INSYN2B: variants seen among roughly 807,000 people sequenced by gnomAD.
The protein encoded by INSYN2B is inhibitory synaptic factor family member 2B, also known as protein INSYN2B.
A neutral mutation model predicts 41.2 loss-of-function variants in INSYN2B; 16 were observed. That is an observed-to-expected ratio of 0.39 (90% CI 0.26 to 0.59). The LOEUF (loss-of-function observed/expected upper bound fraction) is 0.59. INSYN2B is among the 20% of genes least tolerant of loss of function. The pLI is 0.57. For synonymous variants in INSYN2B, 245 were observed against 244.4 expected (o/e 1.00, Z -0.02); for missense variants, 608 against 646.4 (o/e 0.94, Z 0.64).
chr5:169,881,792 G>T (rs1561791690), intron 2 of INSYN2B, among the ~76,000 whole-genome samples: 1 of 152,196 alleles, frequency 6.6e-6, no homozygotes, highest in East Asian at 1.9e-4. Context: ...CTCCTATACG[G>T]CAGTGCTGAT....
chr5:169,959,373 G>GAAA (rs796836948), intron 1 of INSYN2B, among the ~76,000 whole-genome samples: 3 of 135,342 alleles, frequency 2.2e-5, no homozygotes, highest in African/African-American at 7.9e-5. Context: ...CGTCTCAAAA[G>GAAA]AAAAAAAAAA....
intron 1 of INSYN2B, among the ~76,000 whole-genome samples, chr5:169,912,661 C>T (rs1453137261): frequency 6.6e-6 from 1 of 151,984 alleles, no homozygotes; most frequent in East Asian, 1.9e-4. Context: ...TGGGTACATT[C>T]ATTCATGTTG....
chr5:169,898,474 T>C (rs1773735719), intron 1 of INSYN2B, among the ~76,000 whole-genome samples: 1 of 152,186 alleles, frequency 6.6e-6, no homozygotes, highest in Non-Finnish European at 1.5e-5. Flanking sequence ...CTCAGTTTTC[T>C]TATCTGTAAC....
intron 1 of INSYN2B, among the ~76,000 whole-genome samples, chr5:169,961,345 C>G (rs1380333982): frequency 2.0e-5 from 3 of 152,220 alleles, no homozygotes; most frequent in Non-Finnish European, 4.4e-5. Flanking sequence ...CTACACTGAA[C>G]AGAATTAAAT....
chr5:169,874,475 G>A (rs1005184995), intron 3 of INSYN2B, among the ~76,000 whole-genome samples: 4 of 151,530 alleles, frequency 2.6e-5, no homozygotes, highest in Admixed American at 6.6e-5. Context: ...GAAAATGAGC[G>A]GGTGGTGGTG....
At chr5:169,936,073 T>C (rs549901264) in intron 1 of INSYN2B, among the ~76,000 whole-genome samples, 1 of 152,258 alleles carries the variant, frequency 6.6e-6, no homozygotes, top group East Asian at 1.9e-4. Context: ...CTAAGTATTT[T>C]TGCCAATAAA....
intron 1 of INSYN2B, among the ~76,000 whole-genome samples, chr5:169,919,733 C>T (rs1483125116): frequency 6.6e-6 from 1 of 152,110 alleles, no homozygotes. Flanking sequence ...TTCTCTGAGT[C>T]CCCGCGAAAC....
At chr5:169,908,875 G>T (rs1244480636) in intron 1 of INSYN2B, among the ~76,000 whole-genome samples, 1 of 151,864 alleles carries the variant, frequency 6.6e-6, no homozygotes. Flanking sequence ...CTACATTATT[G>T]CATTTCACCT....
At position 169,876,480 on chromosome 5, in the gene INSYN2B, C is replaced by T. The variant is rs1423642283; in HGVS notation, c.1421+4888G>A. 3.9e-5 allele frequency among the ~76,000 whole-genome samples: 6 copies of T among 152,184 alleles called. No homozygotes were observed. The East Asian group carries it at 1.2e-3, about 29-fold the overall frequency. The stretch of plus-strand genomic sequence containing the variant: ...CACCTGGAGGGAGTTTTGTGGTTCC[C>T]CACAGTCAAACTTTGCCTTTCCCAC... On this transcript the variant is annotated intron_variant, in intron 3 of 3. Transcript: ENST00000377365.
intron 1 of INSYN2B, among the ~76,000 whole-genome samples, chr5:169,943,608 A>G (rs1776327806): frequency 6.6e-6 from 1 of 152,082 alleles, no homozygotes; most frequent in African/African-American, 2.4e-5. Context: ...TGGCTTGTCT[A>G]TTATATTAAT....
At chr5:169,955,107 T>A (rs1271745032) in intron 1 of INSYN2B, among the ~76,000 whole-genome samples, 1 of 152,110 alleles carries the variant, frequency 6.6e-6, no homozygotes, top group African/African-American at 2.4e-5. Context: ...GGCAACCCCA[T>A]AACCTTGCAG....
At chr5:169,924,358 A>C (rs529677390) in intron 1 of INSYN2B, among the ~76,000 whole-genome samples, 8 of 152,228 alleles carry the variant, frequency 5.3e-5, no homozygotes, top group Non-Finnish European at 1.2e-4. Context: ...TTGCTCCCTA[A>C]AAGTCTAACC....
rs571943571 is a variant in INSYN2B at position 169,912,218 on chromosome 5, A to G, written c.-918-27402T>C. 9.2e-5 allele frequency among the ~76,000 whole-genome samples: 14 copies of G among 151,540 alleles called. No individual in the cohort carries two copies. In the South Asian group the frequency reaches 2.9e-3, roughly 32 times the overall value. ...TCAGTTATAGGCCAGGCTTTTATTT[A>G]TTTATTATTTTATTTATTTATTTAG... is the stretch of plus-strand genomic sequence containing the variant. On this transcript the variant is annotated intron_variant, in intron 1 of 3. Transcript: ENST00000377365.
At chr5:169,872,445 A>T (rs982991201) in intron 3 of INSYN2B, among the ~76,000 whole-genome samples, 1 of 152,144 alleles carries the variant, frequency 6.6e-6, no homozygotes, top group Non-Finnish European at 1.5e-5. Context: ...CTCATTTTTT[A>T]TAGGGTTTAA....
intron 1 of INSYN2B, among the ~76,000 whole-genome samples, chr5:169,889,010 T>C (rs143177778): frequency 3.9e-5 from 6 of 152,330 alleles, no homozygotes; most frequent in African/African-American, 1.4e-4. Flanking sequence ...TCTGCTGACT[T>C]CTAGCCTCTT....
chr5:169,972,618 A>T (rs1777561639), intron 1 of INSYN2B, among the ~76,000 whole-genome samples: 1 of 113,472 alleles, frequency 8.8e-6, no homozygotes, highest in African/African-American at 3.2e-5. Flanking sequence ...ATAGATAGAT[A>T]GATAGATAGA....
chr5:169,889,284 T>C (rs1773151819), intron 1 of INSYN2B, among the ~76,000 whole-genome samples: 1 of 152,206 alleles, frequency 6.6e-6, no homozygotes, highest in African/African-American at 2.4e-5. Flanking sequence ...TATCAGTAGG[T>C]CTCATGTCTG....
rs1327335199 is a variant in INSYN2B, at chr5:169,963,358, C to G, written c.-919+16919G>C. 3.3e-5 allele frequency among the ~76,000 whole-genome samples: 5 copies of G among 152,262 alleles called. No homozygotes were observed. The East Asian group carries it at 5.8e-4, about 18-fold the overall frequency. ...GGCATTGACAGGAACTCAATCTCAG[C>G]CTTTGATTAGGCCTCCATCCCTCTC... On this transcript the variant is annotated intron_variant, in intron 1 of 3. Transcript: ENST00000377365.
In INSYN2B at chr5:169,862,605, G is replaced by A. The variant is rs778890677; in HGVS notation, c.*1668C>T. ...GTATTTATCTTAATTCTAACATGACGTTATATATTCCGGTCTGATTCTGTG... is the reference window on the plus strand; with the variant it reads ...GTATTTATCTTAATTCTAACATGACATTATATATTCCGGTCTGATTCTGTG... On this transcript the variant is annotated 3_prime_UTR_variant, in exon 4 of 4. Transcript: ENST00000377365. Among the ~76,000 whole-genome samples the A allele has an allele frequency of 7.9e-5, 12 of 152,162 alleles. No individual in the cohort carries two copies. Among genetic ancestry groups the A allele is most frequent in the South Asian group, 2.1e-4 (1 of 4,834 alleles).
Sources: allele counts gnomAD v4.1 joint callset (sites outside exome capture counted in the v4.1 genomes callset), GRCh38; gene constraint gnomAD v4.1.1; transcripts MANE v1.5; gene names NCBI Gene and HGNC (gene_info 2026-07-23, HGNC 2026-07-21).